The following CAPN13 variants were observed in gnomAD, a reference collection of about 807,000 sequenced individuals.
The protein encoded by CAPN13 is calpain 13.
Under a neutral mutation model 98.4 loss-of-function variants are expected in CAPN13, and 90 were observed. That is an observed-to-expected ratio of 0.92 (90% CI 0.77 to 1.09). The LOEUF (loss-of-function observed/expected upper bound fraction) is 1.09, where lower values mean the gene tolerates loss of function less well. Among genes scored for constraint, CAPN13 ranks in the 50% least tolerant of loss-of-function variants. CAPN13 has a pLI of 0.00. For missense variants in CAPN13, 887 were observed against 841.3 expected (o/e 1.05, Z -0.67); for synonymous variants, 330 against 305.5 (o/e 1.08, Z -0.84).
chr2:30,777,596 C>T lies in CAPN13; in HGVS notation c.242G>A (p.Ser81Asn), dbSNP rs1375142612. The T allele has an allele frequency of 1.9e-6, 3 of 1,580,836 alleles. No individual in the cohort carries two copies. The highest frequency in any genetic ancestry group is 2.6e-6 in the Non-Finnish European group (3 of 1,161,854). ...GPPHFILDDISRFDIQQGGAA... is the reference protein window; with the variant it reads ...GPPHFILDDINRFDIQQGGAA... ...GCCTCCTTGTTGGATGTCAAATCTG[C>T]TTATATCATCCAGGATGAAGTGAGG... The change falls in exon 3 of 23, where the codon AGC (serine) becomes AAC (asparagine). Residue 81 changes from serine to asparagine, a missense_variant. By Grantham distance (46) the Ser-to-Asn change is conservative. Coordinates refer to ENST00000295055, the MANE Select transcript of CAPN13 (RefSeq NM_144575.3).
intron 5 of CAPN13, among the ~76,000 whole-genome samples, chr2:30,767,599 A>G (rs753615493): frequency 8.5e-5 from 13 of 152,238 alleles, no homozygotes; most frequent in Non-Finnish European, 1.2e-4. Flanking sequence ...TAAGAAGCTT[A>G]TAAGTGAATT....
chr2:30,800,563 G>A (rs990430984), intron 1 of CAPN13, among the ~76,000 whole-genome samples: 2 of 152,054 alleles, frequency 1.3e-5, no homozygotes, highest in Non-Finnish European at 2.9e-5. Context: ...CCCTAGCCTC[G>A]GTCTCCCCAC....
Position 30,741,967 on chromosome 2 carries a change from G to A in CAPN13, c.1480-3C>T, listed in dbSNP as rs371455102. 3.5e-5 allele frequency: 56 copies of A among 1,612,620 alleles called. No homozygotes were observed. The Middle Eastern group carries it at 6.6e-4, about 19-fold the overall frequency. On this transcript the variant is annotated splice_region_variant and splice_polypyrimidine_tract_variant and intron_variant, in intron 14 of 22. Transcript: ENST00000295055. The stretch of plus-strand genomic sequence containing the variant: ...GAGCCATGTTCTGAAGGGCTTCCCT[G>A]GATCAAAGGGAAAATAGTCAATGTT...
intron 11 of CAPN13, among the ~76,000 whole-genome samples, chr2:30,748,506 T>A (rs934769604): frequency 6.6e-5 from 10 of 152,092 alleles, no homozygotes; most frequent in Non-Finnish European, 1.3e-4. Context: ...CCTGTTTTGG[T>A]TATTTCCTTG....
At position 30,780,689 on chromosome 2, in the gene CAPN13, G is replaced by C. The variant is rs916071105; in HGVS notation, c.199-3050C>G. 5.9e-5 allele frequency among the ~76,000 whole-genome samples: 9 copies of C among 152,298 alleles called. No homozygotes were observed. In the South Asian group the frequency reaches 1.9e-3, roughly 32 times the overall value. ...AACATAGGAGTCATTTTCATCAAAG[G>C]TGGGCACAAAAGCAGCTTCTATGTC... On this transcript the variant is annotated intron_variant, in intron 2 of 22. Transcript: ENST00000295055.
At chr2:30,759,434 G>A (rs1672709353) in intron 7 of CAPN13, among the ~76,000 whole-genome samples, 2 of 152,218 alleles carry the variant, frequency 1.3e-5, no homozygotes, top group African/African-American at 2.4e-5. Context: ...AGCATGGCGA[G>A]AGGAATTAAA....
intron 12 of CAPN13, chr2:30,743,867 T>A: frequency 1.8e-6 from 1 of 541,448 alleles, no homozygotes; most frequent in Non-Finnish European, 3.4e-6. Context: ...CCTGCTTATA[T>A]AGAGAGAAAA....
At chr2:30,769,504 T>G (rs1046633140) in intron 5 of CAPN13, among the ~76,000 whole-genome samples, 13 of 152,182 alleles carry the variant, frequency 8.5e-5, no homozygotes, top group African/African-American at 2.9e-4. Flanking sequence ...GACAGTGCCC[T>G]CTTCCTCACA....
intron 11 of CAPN13, among the ~76,000 whole-genome samples, chr2:30,747,793 G>A (rs1043254926): frequency 7.2e-5 from 11 of 152,236 alleles, no homozygotes; most frequent in African/African-American, 2.7e-4. Context: ...AGTGTCATTT[G>A]AGTTGTCCAG....
intron 20 of CAPN13, 24 bp from the exon 21 acceptor site, chr2:30,731,423 T>G: frequency 6.3e-7 from 1 of 1,599,688 alleles, no homozygotes; most frequent in Non-Finnish European, 8.5e-7. Flanking sequence ...GGGAAGGTTT[T>G]GACTGACTGA....
chr2:30,732,066 T>C (rs1247864005), intron 20 of CAPN13, among the ~76,000 whole-genome samples: 1 of 152,226 alleles, frequency 6.6e-6, no homozygotes, highest in African/African-American at 2.4e-5. Context: ...AGGGACCTCC[T>C]GCCCCTACTT....
intron 1 of CAPN13, among the ~76,000 whole-genome samples, chr2:30,803,670 T>A (rs572592484): frequency 1.3e-5 from 2 of 152,296 alleles, no homozygotes; most frequent in South Asian, 4.2e-4. Flanking sequence ...ACACGTCCCA[T>A]CTCATGTTGA....
At chr2:30,742,701 G>T (rs926758111) in intron 13 of CAPN13, among the ~76,000 whole-genome samples, 33 of 152,120 alleles carry the variant, frequency 2.2e-4, no homozygotes, top group African/African-American at 7.2e-4. Flanking sequence ...GACTTAGAAG[G>T]TCTCACCAAT....
chr2:30,794,352 C>T (rs2148092609), intron 1 of CAPN13, among the ~76,000 whole-genome samples: 2 of 151,988 alleles, frequency 1.3e-5, no homozygotes, highest in Middle Eastern at 6.8e-3. Flanking sequence ...GGTGAAAGCT[C>T]ACTATAGGCC....
At chr2:30,754,132 T>C (rs938314877) in intron 9 of CAPN13, among the ~76,000 whole-genome samples, 158 bp downstream of exon 9, 1 of 152,212 alleles carries the variant, frequency 6.6e-6, no homozygotes, top group Non-Finnish European at 1.5e-5. Context: ...TAATTTTTCA[T>C]CCAAAGTTTT....
chr2:30,778,407 A>G (rs1488684999), intron 2 of CAPN13, among the ~76,000 whole-genome samples: 1 of 152,214 alleles, frequency 6.6e-6, no homozygotes, highest in Non-Finnish European at 1.5e-5. Flanking sequence ...ACACCAGGCC[A>G]CAGGTCTGGC....
Position 30,801,530 on chromosome 2 carries a change from G to C in CAPN13, c.-33+5772C>G, listed in dbSNP as rs767515455. ...TGAGGCTGGAGAATCGCTTGAACCCGGGAGGCGGAGGTTGCAGTGAGCCAA... is the reference window on the plus strand; with the variant it reads ...TGAGGCTGGAGAATCGCTTGAACCCCGGAGGCGGAGGTTGCAGTGAGCCAA... On this transcript the variant is annotated intron_variant, in intron 1 of 22. Transcript: ENST00000295055. Among the ~76,000 whole-genome samples, 5 of 150,784 alleles carry C rather than the reference G, an allele frequency of 3.3e-5. 1 individual carries two copies. Among genetic ancestry groups the C allele is most frequent in the Non-Finnish European group, 7.4e-5 (5 of 67,788 alleles).
In CAPN13 at chr2:30,800,446, G is replaced by C. The variant is rs888688983; in HGVS notation, c.-33+6856C>G. Among the ~76,000 whole-genome samples the C allele has an allele frequency of 6.6e-5, 10 of 152,298 alleles. No homozygotes were observed. The East Asian group carries it at 1.7e-3, about 27-fold the overall frequency. ...TCATAGCTCAGAGAGCTCTGCTGATGGGTTCTTCTCAGGAGACCCTGGGGG... is the reference window on the plus strand; with the variant it reads ...TCATAGCTCAGAGAGCTCTGCTGATCGGTTCTTCTCAGGAGACCCTGGGGG... On this transcript the variant is annotated intron_variant, in intron 1 of 22. Transcript: ENST00000295055.
chr2:30,770,010 C>T (rs529972403), intron 5 of CAPN13, among the ~76,000 whole-genome samples: 2 of 152,346 alleles, frequency 1.3e-5, no homozygotes, highest in Admixed American at 1.3e-4. Flanking sequence ...CACTCCTCCG[C>T]GCTCTCATCG....
Sources: gnomAD v4.1 joint callset for allele counts (sites outside exome capture counted in the v4.1 genomes callset) on GRCh38, gnomAD v4.1.1 for gene constraint, MANE v1.5 for transcripts, NCBI Gene and HGNC (gene_info 2026-07-23, HGNC 2026-07-21) for gene names.